Variants in LARP1B observed in about 807,000 individuals in gnomAD.
The protein encoded by LARP1B is la-related protein 1B.
In LARP1B, 76 loss-of-function variants were observed where a neutral mutation model predicts 114.2. The observed-to-expected ratio is 0.67, with a 90% CI of 0.55 to 0.81. LARP1B has a LOEUF of 0.81. Ranked by LOEUF, LARP1B falls within the 30% of genes least tolerant of loss-of-function variation. The probability of loss-of-function intolerance (pLI) is 0.00; values close to 1 mark genes in which losing one functional copy is unlikely to be tolerated. For missense variants in LARP1B, 1,014 were observed against 1,075.8 expected (o/e 0.94, Z 0.80); for synonymous variants, 345 against 348.0 (o/e 0.99, Z 0.10).
chr4:128,176,991 A>G (rs1746522622), intron 13 of LARP1B, 84 bp downstream of exon 13: 7 of 1,187,994 alleles, frequency 5.9e-6, no homozygotes, highest in Non-Finnish European at 7.6e-6. Context: ...GGACTTTCAG[A>G]CAGAAGAAAA....
intron 11 of LARP1B, among the ~76,000 whole-genome samples, chr4:128,141,752 A>G (rs1042307611): frequency 6.6e-6 from 1 of 151,906 alleles, no homozygotes; most frequent in Non-Finnish European, 1.5e-5. Flanking sequence ...GAGAGGTTAC[A>G]CTCTCAACAA....
intron 11 of LARP1B, among the ~76,000 whole-genome samples, chr4:128,127,655 G>A (rs1478817680): frequency 6.6e-6 from 1 of 152,142 alleles, no homozygotes; most frequent in Non-Finnish European, 1.5e-5. Context: ...CCAACATGGT[G>A]AAACCCTGTC....
Position 128,210,114 on chromosome 4 carries a change from T to TA in LARP1B, c.*62dup. On this transcript the variant is annotated 3_prime_UTR_variant, in exon 20 of 20. Transcript: ENST00000326639. ...GTGAAATGCCTGAGAAATAGACTCT[T>TA]ATGAAAGTTCTTTGTCCTTGAAGTC... 1 of 1,607,172 alleles carries TA rather than the reference T, an allele frequency of 6.2e-7. No individual in the cohort carries two copies. Among genetic ancestry groups the TA allele is most frequent in the Non-Finnish European group, 8.5e-7 (1 of 1,175,266 alleles).
chr4:128,206,943 T>C (rs1356433950), intron 18 of LARP1B: 2 of 642,832 alleles, frequency 3.1e-6, no homozygotes, highest in Non-Finnish European at 3.9e-6. Context: ...AGCTATGTGA[T>C]TGTGGGTAAA....
chr4:128,065,406 C>T (rs2149283371), intron 1 of LARP1B, among the ~76,000 whole-genome samples: 1 of 138,222 alleles, frequency 7.2e-6, no homozygotes, highest in South Asian at 2.2e-4. Flanking sequence ...GATGGAGTCT[C>T]TCTGTGTTTC....
At chr4:128,104,190 T>C (rs1306092881) in intron 8 of LARP1B, among the ~76,000 whole-genome samples, 1 of 152,084 alleles carries the variant, frequency 6.6e-6, no homozygotes, top group African/African-American at 2.4e-5. Flanking sequence ...CAGATTAAGA[T>C]ACAGAACATT....
intron 11 of LARP1B, among the ~76,000 whole-genome samples, chr4:128,145,736 C>T (rs1437640748): frequency 6.6e-6 from 1 of 152,162 alleles, no homozygotes; most frequent in Non-Finnish European, 1.5e-5. Context: ...CTGGAGTGAT[C>T]GTGGAGCCCA....
intron 15 of LARP1B, among the ~76,000 whole-genome samples, chr4:128,195,867 G>GA (rs1753880211): frequency 1.3e-5 from 2 of 152,094 alleles, no homozygotes; most frequent in Admixed American, 1.3e-4. Flanking sequence ...GACTGACAAA[G>GA]AAAGAGAGAA....
At chr4:128,107,075 C>T in intron 8 of LARP1B, 64 bp from the exon 9 acceptor site, 1 of 1,375,686 alleles carries the variant, frequency 7.3e-7, no homozygotes, top group Non-Finnish European at 1.0e-6. Flanking sequence ...TTTTTAGGTT[C>T]TTAGAAGTAT....
intron 1 of LARP1B, among the ~76,000 whole-genome samples, chr4:128,073,573 T>G (rs1440268037): frequency 4.6e-4 from 5 of 10,908 alleles, no homozygotes; most frequent in African/African-American, 1.1e-3. Flanking sequence ...ATTGTTGTCG[T>G]TTTTTTTTTT....
At chr4:128,071,387 C>T (rs1400086508) in intron 1 of LARP1B, among the ~76,000 whole-genome samples, 1 of 149,996 alleles carries the variant, frequency 6.7e-6, no homozygotes, top group East Asian at 2.0e-4. Context: ...CTGATACTCC[C>T]ACTATTAGAG....
At chr4:128,153,776 C>T (rs554760953) in intron 11 of LARP1B, among the ~76,000 whole-genome samples, 1 of 152,090 alleles carries the variant, frequency 6.6e-6, no homozygotes, top group Non-Finnish European at 1.5e-5. Flanking sequence ...ACTATATTAC[C>T]GGTAGCCTAC....
Position 128,199,512 on chromosome 4 carries a change from A to G in LARP1B, c.2077A>G (p.Lys693Glu). The G allele has an allele frequency of 1.2e-6, 2 of 1,604,996 alleles. No individual in the cohort carries two copies. The highest frequency in any genetic ancestry group is 1.7e-6 in the Non-Finnish European group (2 of 1,175,000). ...SYGCTPHSFP[K>E]FQHPSHELLK... ...TGGATGTACTCCTCATTCATTCCCA[A>G]AGTTCCAGCATCCTTCTCATGAACT... The change falls in exon 16 of 20, where the codon AAG becomes GAG. Residue 693 changes from lysine to glutamate, a missense_variant. Physicochemically the swap from Lys to Glu is moderately conservative, Grantham distance 56. Transcript: ENST00000326639.
chr4:128,210,623 ACTT>A lies in LARP1B; in HGVS notation c.*571_*573del, dbSNP rs370615494. The A allele has an allele frequency of 1.8e-3, 1,682 of 936,782 alleles. 31 individuals are homozygous for A. The African/African-American group carries it at 0.028, about 16-fold the overall frequency. The allele number at this position is 936,782 out of a possible 1,614,324, so 58.0% of individuals were successfully genotyped here. On this transcript the variant is annotated 3_prime_UTR_variant, in exon 20 of 20. Coordinates refer to ENST00000326639, the MANE Select transcript of LARP1B (RefSeq NM_018078.4). ...CTTTGAGACATATAGTTTAAAGAAA[ACTT>A]TTTTTAAAACAAAAGTAGGAATATA...
chr4:128,147,158 A>G (rs772693852), intron 11 of LARP1B, among the ~76,000 whole-genome samples: 11 of 152,170 alleles, frequency 7.2e-5, no homozygotes, highest in Non-Finnish European at 1.5e-4. Flanking sequence ...CAGATTCTTT[A>G]TGATTCTCAG....
chr4:128,061,953 T>C, intron 1 of LARP1B: 2 of 985,144 alleles, frequency 2.0e-6, no homozygotes, highest in African/African-American at 1.7e-5. Flanking sequence ...CCCCTGGCGC[T>C]GCACCTGGCG....
Position 128,082,114 on chromosome 4 carries a change from G to C in LARP1B, c.218-51G>C, listed in dbSNP as rs752038142. 7 of 1,553,094 alleles carry C rather than the reference G, an allele frequency of 4.5e-6. No homozygotes were observed. In the South Asian group the frequency reaches 6.8e-5, roughly 15 times the overall value. ...GTTCAGAGTGCTTTCAAATTGCAAG[G>C]GTTTAGTGAAAATTGTACATTTGTC... On this transcript the variant is annotated intron_variant, in intron 4 of 19. Transcript: ENST00000326639.
intron 15 of LARP1B, among the ~76,000 whole-genome samples, chr4:128,187,604 T>C (rs1254812553): frequency 2.0e-5 from 3 of 152,190 alleles, no homozygotes; most frequent in African/African-American, 7.2e-5. Context: ...TTTGGACTTT[T>C]GAGTTAATGC....
At chr4:128,135,032 G>A (rs1395219598) in intron 11 of LARP1B, among the ~76,000 whole-genome samples, 1 of 152,060 alleles carries the variant, frequency 6.6e-6, no homozygotes, top group Non-Finnish European at 1.5e-5. Context: ...AACCCCGGAG[G>A]TGGGGGTTGT....
Sources: gnomAD v4.1 joint callset for allele counts (sites outside exome capture counted in the v4.1 genomes callset) on GRCh38, gnomAD v4.1.1 for gene constraint, MANE v1.5 for transcripts, NCBI Gene and HGNC (gene_info 2026-07-23, HGNC 2026-07-21) for gene names.